Variants in CALN1 observed in about 807,000 individuals in gnomAD.
CALN1 encodes calcium-binding protein 8.
CALN1 carries 17 observed loss-of-function variants against 30.6 expected under a neutral mutation model. That is an observed-to-expected ratio of 0.56 (90% confidence interval 0.38 to 0.83). The LOEUF is 0.83. CALN1 is among the 40% of genes least tolerant of loss of function. The pLI is 0.00. For missense variants in CALN1, 291 were observed against 354.9 expected (o/e 0.82, Z 1.45); for synonymous variants, 156 against 131.4 (o/e 1.19, Z -1.28).
chr7:71,833,627 G>A (rs1225632806), intron 5 of CALN1, among the ~76,000 whole-genome samples: 4 of 148,950 alleles, frequency 2.7e-5, no homozygotes, highest in South Asian at 2.1e-4. Context: ...AAGACCAGGC[G>A]AGGCACAGTG....
At chr7:72,276,704 G>T (rs750916747) in intron 3 of CALN1, among the ~76,000 whole-genome samples, 3 of 151,872 alleles carry the variant, frequency 2.0e-5, no homozygotes, top group Admixed American at 2.0e-4. Flanking sequence ...ACCCTCTCTC[G>T]CCTTTCCACC....
chr7:72,452,803 T>C, the CALN1 span, among the ~76,000 whole-genome samples: 4 of 152,110 alleles, frequency 2.6e-5, no homozygotes, highest in African/African-American at 9.7e-5. Context: ...AGCTTCAAAA[T>C]TGGCCTGTAT....
At chr7:72,270,992 T>C (rs573493336) in intron 3 of CALN1, among the ~76,000 whole-genome samples, 1 of 152,180 alleles carries the variant, frequency 6.6e-6, no homozygotes, top group African/African-American at 2.4e-5. Context: ...ACTTACAGAA[T>C]ACGAAGAGAG....
At chr7:72,112,834 A>C (rs1218117888) in intron 3 of CALN1, among the ~76,000 whole-genome samples, 1 of 152,238 alleles carries the variant, frequency 6.6e-6, no homozygotes. Flanking sequence ...ATAAGCAAGA[A>C]TGACAAGTGC....
Position 71,905,732 on chromosome 7 carries a change from A to G in CALN1, c.502-95240T>C, listed in dbSNP as rs118114494. Among the ~76,000 whole-genome samples the G allele has an allele frequency of 1.2e-4, 19 of 152,254 alleles. No individual in the cohort carries two copies. In the East Asian group the frequency reaches 3.3e-3, roughly 26 times the overall value. ...CAGAGGTACCTGGAATATGTCCTCT[A>G]AAGTGAAAAATGCATCATTATAAAA... On this transcript the variant is annotated intron_variant, in intron 5 of 6. Transcript: ENST00000395275.
intron 5 of CALN1, among the ~76,000 whole-genome samples, chr7:71,963,651 C>T (rs371843845): frequency 2.7e-4 from 41 of 152,134 alleles, no homozygotes; most frequent in African/African-American, 9.9e-4. Flanking sequence ...CTCCTTGGTC[C>T]CCAAATTCCA....
intron 2 of CALN1, among the ~76,000 whole-genome samples, chr7:72,387,697 AG>A (rs1366096231): frequency 2.0e-5 from 3 of 152,236 alleles, no homozygotes; most frequent in African/African-American, 7.2e-5. Context: ...CAAAGCTGTC[AG>A]GATCATCGAA....
intron 1 of CALN1, among the ~76,000 whole-genome samples, chr7:72,410,983 T>C (rs1008010631): frequency 6.6e-6 from 1 of 152,186 alleles, no homozygotes; most frequent in East Asian, 1.9e-4. Flanking sequence ...TATGATTATA[T>C]GTATGGAAAA....
At chr7:71,808,332 AAATT>A (rs1406221973) in intron 6 of CALN1, among the ~76,000 whole-genome samples, 2 of 151,654 alleles carry the variant, frequency 1.3e-5, no homozygotes, top group Non-Finnish European at 2.9e-5. Context: ...CACTGACTTA[AAATT>A]ATTAATTAAC....
intron 3 of CALN1, among the ~76,000 whole-genome samples, chr7:72,255,603 A>G (rs1381979592): frequency 6.7e-6 from 1 of 149,480 alleles, no homozygotes; most frequent in Non-Finnish European, 1.5e-5. Context: ...TTTAGTAGAA[A>G]CAGGGTTTTG....
intron 4 of CALN1, among the ~76,000 whole-genome samples, chr7:72,060,248 T>C (rs1338964995): frequency 2.0e-5 from 3 of 152,212 alleles, no homozygotes; most frequent in Non-Finnish European, 2.9e-5. Flanking sequence ...GAACCTTTCC[T>C]TCTGATCAGT....
intron 5 of CALN1, among the ~76,000 whole-genome samples, chr7:71,930,376 A>C (rs990476332): frequency 6.6e-6 from 1 of 152,118 alleles, no homozygotes; most frequent in Non-Finnish European, 1.5e-5. Flanking sequence ...TCTTCTTAGG[A>C]AAACTGTATT....
At chr7:72,405,693 A>C (rs1806647662) in intron 1 of CALN1, among the ~76,000 whole-genome samples, 1 of 151,748 alleles carries the variant, frequency 6.6e-6, no homozygotes, top group African/African-American at 2.4e-5. Flanking sequence ...CAGGAGAAGC[A>C]AGTGTGTCAT....
chr7:72,301,150 G>T (rs1188297205), intron 2 of CALN1, among the ~76,000 whole-genome samples: 1 of 152,180 alleles, frequency 6.6e-6, no homozygotes, highest in African/African-American at 2.4e-5. Flanking sequence ...ATGCAAACTG[G>T]AAAGAAAGTG....
intron 2 of CALN1, among the ~76,000 whole-genome samples, chr7:72,378,940 C>T (rs1248578424): frequency 6.6e-6 from 1 of 152,032 alleles, no homozygotes; most frequent in Non-Finnish European, 1.5e-5. Flanking sequence ...ATGCTTTTTC[C>T]GCATCTAACA....
intron 5 of CALN1, among the ~76,000 whole-genome samples, chr7:71,850,609 ATTTT>A (rs1460626700): frequency 6.6e-6 from 1 of 152,158 alleles, no homozygotes; most frequent in Admixed American, 6.6e-5. Context: ...AAAACAGTAT[ATTTT>A]TTGTAGGGGG....
intron 2 of CALN1, among the ~76,000 whole-genome samples, chr7:72,350,245 G>A (rs781440900): frequency 6.6e-6 from 1 of 152,126 alleles, no homozygotes; most frequent in Non-Finnish European, 1.5e-5. Context: ...AAAGAACTCA[G>A]AACAGAACAA....
chr7:72,028,003 G>A lies in CALN1; in HGVS notation c.389-4234C>T, dbSNP rs1440788011. ...GAACCCGGGAGGCGGAGCTTGCAGT[G>A]AGCCGAGATCGCGCCACTGCACTCC... On this transcript the variant is annotated intron_variant, in intron 4 of 6. Coordinates refer to ENST00000395275, the MANE Select transcript of CALN1 (RefSeq NM_031468.4). 6.3e-5 allele frequency among the ~76,000 whole-genome samples: 9 copies of A among 142,252 alleles called. No individual in the cohort carries two copies. In the South Asian group the frequency reaches 6.9e-4, roughly 11 times the overall value. The allele number at this position is 142,252 out of a possible 152,430, so 93.3% of individuals were successfully genotyped here. A position where few individuals can be genotyped will look rare whatever the true frequency, so the allele number is the denominator to read the frequency against.
At chr7:72,278,559 C>CA in intron 3 of CALN1, 127 bp downstream of exon 3, 1 of 1,285,430 alleles carries the variant, frequency 7.8e-7, no homozygotes, top group Non-Finnish European at 1.1e-6. Flanking sequence ...CCCATTATGC[C>CA]ATGGCTACAC....
Sources: gnomAD v4.1 joint callset for allele counts (sites outside exome capture counted in the v4.1 genomes callset) on GRCh38, gnomAD v4.1.1 for gene constraint, MANE v1.5 for transcripts, NCBI Gene and HGNC (gene_info 2026-07-23, HGNC 2026-07-21) for gene names.